Variants in INSR observed in about 807,000 individuals in gnomAD.
The protein encoded by INSR is insulin receptor, also known as IR.
INSR carries 67 observed loss-of-function variants against 142.6 expected under a neutral mutation model. The ratio of observed to expected loss-of-function variants is 0.47; its 90% confidence interval spans 0.39 to 0.58. The LOEUF (loss-of-function observed/expected upper bound fraction) is 0.58. Among genes scored for constraint, INSR ranks in the 20% least tolerant of loss-of-function variants. The pLI is 0.00. For missense variants in INSR, 1,248 were observed against 1,833.2 expected, an observed-to-expected ratio of 0.68 and a Z score of 5.83; for synonymous variants, 756 against 743.1, an observed-to-expected ratio of 1.02 and a Z score of -0.28.
At chr19:7,146,263 CAG>C (rs1198730539) in intron 11 of INSR, among the ~76,000 whole-genome samples, 1 of 111,858 alleles carries the variant, frequency 8.9e-6, no homozygotes, top group South Asian at 3.0e-4. Context: ...TTTTTTGAGA[CAG>C]AGTTTTGCTC....
At chr19:7,210,513 T>G (rs1443011482) in intron 2 of INSR, among the ~76,000 whole-genome samples, 1 of 151,996 alleles carries the variant, frequency 6.6e-6, no homozygotes, top group Non-Finnish European at 1.5e-5. Context: ...TGGCTCCACT[T>G]TCTCCTCGCT....
At position 7,294,113 on chromosome 19, in the gene INSR, G is replaced by T. The variant is rs1968576232; in HGVS notation, c.-222C>A. The T allele has an allele frequency of 3.9e-6, 1 of 257,702 alleles. No homozygotes were observed. The highest frequency in any genetic ancestry group is 6.6e-6 in the Non-Finnish European group (1 of 151,192). The allele number at this position is 257,702 out of a possible 1,614,324, so 16.0% of individuals were successfully genotyped here. A position where few individuals can be genotyped will look rare whatever the true frequency, so the allele number is the denominator to read the frequency against. On this transcript the variant is annotated 5_prime_UTR_variant, in exon 1 of 22. Transcript: ENST00000302850. ...CTACAAATACTGAGCGGAGGCCCTT[G>T]CGGTGGTGGCCCCGACCCCCCGGCC...
Position 7,293,956 on chromosome 19 carries a change from C to A in INSR, c.-65G>T, listed in dbSNP as rs1353953161. ...GGCGCTGGCCCGCGGGGGTCATGCT[C>A]CGAGGCGGCCACCCAAGAGGCGCTG... On this transcript the variant is annotated 5_prime_UTR_variant, in exon 1 of 22. Coordinates refer to ENST00000302850, the MANE Select transcript of INSR (RefSeq NM_000208.4). The A allele has an allele frequency of 8.7e-7, 1 of 1,147,146 alleles. No homozygotes were observed. The highest frequency in any genetic ancestry group is 1.1e-6 in the Non-Finnish European group (1 of 934,810). The allele number at this position is 1,147,146 out of a possible 1,614,324, so 71.1% of individuals were successfully genotyped here.
intron 10 of INSR, among the ~76,000 whole-genome samples, chr19:7,151,162 C>CTTTCTCTCTTTCCTTTTCTTTCTT (rs1359040007): frequency 4.4e-5 from 2 of 45,850 alleles, no homozygotes; most frequent in African/African-American, 1.0e-4. Context: ...TTCTTTCTTT[C>CTTTCTCTCTTTCCTTTTCTTTCTT]TCTTTCTTTC....
chr19:7,179,298 T>C (rs577028685), intron 3 of INSR, among the ~76,000 whole-genome samples: 1 of 152,170 alleles, frequency 6.6e-6, no homozygotes, highest in African/African-American at 2.4e-5. Context: ...AGCCAGTTAG[T>C]CAGAAGTGTG....
intron 1 of INSR, among the ~76,000 whole-genome samples, chr19:7,279,671 G>A (rs1423190224): frequency 2.6e-5 from 4 of 151,786 alleles, no homozygotes; most frequent in African/African-American, 9.7e-5. Flanking sequence ...AAGGTAGCAC[G>A]GAGACAACTG....
At position 7,114,121 on chromosome 19, in the gene INSR, C is replaced by T. The variant is rs1166305721; in HGVS notation, c.*2935G>A. ...TGGATTGGAATTTCCCTCACATGCTCCCATCCCACTTGGAGAATTTAAAAA... is the reference window on the plus strand; with the variant it reads ...TGGATTGGAATTTCCCTCACATGCTTCCATCCCACTTGGAGAATTTAAAAA... On this transcript the variant is annotated 3_prime_UTR_variant, in exon 22 of 22. Transcript: ENST00000302850. 1 of 151,254 alleles carries T rather than the reference C, an allele frequency of 6.6e-6. No individual in the cohort carries two copies. Among genetic ancestry groups the T allele is most frequent in the Non-Finnish European group, 1.5e-5 (1 of 67,982 alleles). 9.4% of individuals were successfully genotyped at this position (151,254 alleles called of 1,614,324 possible). A position where few individuals can be genotyped will look rare whatever the true frequency, so the allele number is the denominator to read the frequency against.
Position 7,168,177 on chromosome 19 carries a change from A to G in INSR, c.1484-83T>C. The G allele has an allele frequency of 7.1e-7, 1 of 1,411,394 alleles. No homozygotes were observed. Among genetic ancestry groups the G allele is most frequent in the Non-Finnish European group, 1.0e-6 (1 of 1,002,834 alleles). 87.4% of individuals were successfully genotyped at this position (1,411,394 alleles called of 1,614,324 possible). ...AGCCTGGGACCCCCACACTTCCTGG[A>G]GGGACCGTGAGAAGGCAGAGGTGAC... On this transcript the variant is annotated intron_variant, in intron 6 of 21. Coordinates refer to ENST00000302850, the MANE Select transcript of INSR (RefSeq NM_000208.4). This position sits in a 1 kb window ranked among gnomAD's most constrained non-coding sequence, Gnocchi z 4.3.
intron 15 of INSR, among the ~76,000 whole-genome samples, 185 bp from the exon 16 acceptor site, chr19:7,126,836 T>G (rs1972657786): frequency 6.6e-6 from 1 of 151,908 alleles, no homozygotes; most frequent in Admixed American, 6.6e-5. Flanking sequence ...CAGACAGGTA[T>G]GTAAGTGCAT....
intron 3 of INSR, among the ~76,000 whole-genome samples, chr19:7,175,452 G>A (rs1057414883): frequency 3.3e-5 from 5 of 152,078 alleles, no homozygotes; most frequent in African/African-American, 9.7e-5. Context: ...TGGGGGTGGC[G>A]TCCTATGCAT....
At chr19:7,293,562 C>T (rs373211091) in intron 1 of INSR, among the ~76,000 whole-genome samples, 4 of 152,100 alleles carry the variant, frequency 2.6e-5, no homozygotes, top group African/African-American at 9.7e-5. Flanking sequence ...GGCAAGGTTC[C>T]TCGGGCTCAG....
intron 2 of INSR, among the ~76,000 whole-genome samples, chr19:7,224,815 TCA>T (rs1406616349): frequency 6.6e-6 from 1 of 151,228 alleles, no homozygotes; most frequent in Non-Finnish European, 1.5e-5. Flanking sequence ...AGGGCCCTTT[TCA>T]CAGAGACCTA....
Position 7,138,571 on chromosome 19 carries a change from C to T in INSR, c.2682+3106G>A, listed in dbSNP as rs548182248. Among the ~76,000 whole-genome samples the T allele has an allele frequency of 1.3e-4, 20 of 152,074 alleles. No homozygotes were observed. In the East Asian group the frequency reaches 3.7e-3, roughly 28 times the overall value. The stretch of plus-strand genomic sequence containing the variant: ...AATTTTTTTTTTGCAGAGATGGGGT[C>T]TGGCTGTGTTGCCCAGGCTCAAACT... On this transcript the variant is annotated intron_variant, in intron 13 of 21. Coordinates refer to ENST00000302850, the MANE Select transcript of INSR (RefSeq NM_000208.4).
intron 9 of INSR, among the ~76,000 whole-genome samples, chr19:7,155,540 CA>C (rs57822054): frequency 9.1e-4 from 94 of 103,042 alleles, no homozygotes; most frequent in Admixed American, 1.5e-3. Flanking sequence ...TTCCATCTCT[CA>C]AAAAAAAAAA....
chr19:7,243,758 G>C (rs554661645), intron 2 of INSR, among the ~76,000 whole-genome samples: 1 of 152,196 alleles, frequency 6.6e-6, no homozygotes, highest in South Asian at 2.1e-4. Context: ...TTCAGAAAAC[G>C]AAACAAAGCA....
intron 2 of INSR, among the ~76,000 whole-genome samples, chr19:7,215,096 C>T (rs1439726961): frequency 6.6e-6 from 1 of 151,918 alleles, no homozygotes; most frequent in South Asian, 2.1e-4. Context: ...GCTGGGGCTA[C>T]AGGCACACGC....
chr19:7,190,905 A>G (rs1974564390), intron 2 of INSR, among the ~76,000 whole-genome samples: 1 of 152,242 alleles, frequency 6.6e-6, no homozygotes, highest in South Asian at 2.1e-4. Context: ...TAGCTTTTAA[A>G]TTGGCATGAC....
intron 2 of INSR, among the ~76,000 whole-genome samples, chr19:7,248,605 A>C (rs1025166515): frequency 6.6e-6 from 1 of 151,162 alleles, no homozygotes; most frequent in Non-Finnish European, 1.5e-5. Context: ...AGGAAAATGA[A>C]GTTATGAGTA....
At chr19:7,252,471 A>G (rs1976757836) in intron 2 of INSR, among the ~76,000 whole-genome samples, 1 of 152,122 alleles carries the variant, frequency 6.6e-6, no homozygotes, top group Non-Finnish European at 1.5e-5. Context: ...CTGCTAGGTT[A>G]GTCAATTTAT....
Sources: allele counts gnomAD v4.1 joint callset (sites outside exome capture counted in the v4.1 genomes callset), GRCh38; gene constraint gnomAD v4.1.1; non-coding constraint Gnocchi (gnomAD v3.1); transcripts MANE v1.5; gene names NCBI Gene and HGNC (gene_info 2026-07-23, HGNC 2026-07-21).